SCAPER: variants seen among roughly 807,000 people sequenced by gnomAD.
The protein encoded by SCAPER is S-phase cyclin A associated protein in the ER, also known as S phase cyclin A-associated protein in the endoplasmic reticulum.
SCAPER carries 98 observed loss-of-function variants against 182.2 expected under a neutral mutation model. The observed-to-expected ratio is 0.54, with a 90% CI of 0.46 to 0.64. The LOEUF (loss-of-function observed/expected upper bound fraction) is 0.64, where lower values mean the gene tolerates loss of function less well. Among genes scored for constraint, SCAPER ranks in the 30% least tolerant of loss-of-function variants. The pLI is 0.00. For synonymous variants in SCAPER, 605 were observed against 564.6 expected (o/e 1.07, Z -1.01); for missense variants, 1,432 against 1,690.0 (o/e 0.85, Z 2.68).
chr15:76,456,511 A>C (rs943398019), intron 25 of SCAPER, among the ~76,000 whole-genome samples: 2 of 152,206 alleles, frequency 1.3e-5, no homozygotes, highest in Non-Finnish European at 2.9e-5. Context: ...ATGGTCCAGC[A>C]TATAGTGTAT....
intron 17 of SCAPER, among the ~76,000 whole-genome samples, chr15:76,706,733 A>C (rs1227728168): frequency 6.6e-6 from 1 of 152,130 alleles, no homozygotes; most frequent in African/African-American, 2.4e-5. Context: ...GACAAGTAGC[A>C]TCTTTCTACT....
At chr15:76,459,859 A>T (rs913620077) in intron 25 of SCAPER, among the ~76,000 whole-genome samples, 2 of 151,976 alleles carry the variant, frequency 1.3e-5, no homozygotes, top group Admixed American at 1.3e-4. Flanking sequence ...ATGGTGAGAG[A>T]TAGGGGTCTA....
chr15:76,537,002 A>C (rs2044226131), intron 23 of SCAPER, among the ~76,000 whole-genome samples: 1 of 152,142 alleles, frequency 6.6e-6, no homozygotes, highest in Non-Finnish European at 1.5e-5. Flanking sequence ...TAGGAATCCA[A>C]CTTACAAGGG....
chr15:76,479,698 T>C (rs943704374), intron 24 of SCAPER, among the ~76,000 whole-genome samples: 1 of 152,142 alleles, frequency 6.6e-6, no homozygotes, highest in African/African-American at 2.4e-5. Context: ...GTGGTTGCCA[T>C]GTGGGAAGGT....
chr15:76,397,443 C>T (rs113912063), intron 27 of SCAPER, among the ~76,000 whole-genome samples: 1,913 of 149,084 alleles, frequency 0.013, 10 homozygotes, highest in South Asian at 0.028. Context: ...CAGTGAAGCC[C>T]TCTGGTCCTG....
chr15:76,396,753 T>C (rs1379716782), intron 27 of SCAPER, among the ~76,000 whole-genome samples: 1 of 152,206 alleles, frequency 6.6e-6, no homozygotes, highest in African/African-American at 2.4e-5. Flanking sequence ...GATCATATCA[T>C]CTGTAAAAAA....
chr15:76,565,953 T>C (rs569340525), intron 23 of SCAPER, among the ~76,000 whole-genome samples: 41 of 152,190 alleles, frequency 2.7e-4, no homozygotes, highest in Non-Finnish European at 5.3e-4. Flanking sequence ...GCTGAGAACA[T>C]AGTGAAGGGA....
rs531201146 is a variant in SCAPER, at chr15:76,603,025, T to C, written c.2711+18739A>G. 2.8e-4 allele frequency among the ~76,000 whole-genome samples: 33 copies of C among 116,436 alleles called. 4 individuals are homozygous for C. In the South Asian group the frequency reaches 6.9e-3, roughly 25 times the overall value. 76.4% of individuals were successfully genotyped at this position (116,436 alleles called of 152,430 possible). On this transcript the variant is annotated intron_variant, in intron 22 of 31. Coordinates refer to ENST00000563290, the MANE Select transcript of SCAPER (RefSeq NM_020843.4). ...TCCTCAATAGTTTTTATTTTATTTA[T>C]TTATTTACTTAATTTTATTATTATT...
In SCAPER at chr15:76,548,328, C is replaced by G. The variant is rs141766339; in HGVS notation, c.2838+25830G>C. Among the ~76,000 whole-genome samples the G allele has an allele frequency of 2.2e-3, 331 of 152,232 alleles. 5 individuals are homozygous for G. Among genetic ancestry groups the G allele is most frequent in the Non-Finnish European group, 3.9e-3 (262 of 68,012 alleles). ...CTTCATCAAATGAATCTTGGGCCAA[C>G]AACTGTTCAAGAATGATGTTACCAT... On this transcript the variant is annotated intron_variant, in intron 23 of 31. Coordinates refer to ENST00000563290, the MANE Select transcript of SCAPER (RefSeq NM_020843.4).
intron 22 of SCAPER, among the ~76,000 whole-genome samples, chr15:76,596,504 A>G (rs2049509654): frequency 8.3e-6 from 1 of 120,952 alleles, no homozygotes. Flanking sequence ...CAGCAGAGAC[A>G]CAACAAAAAA....
intron 23 of SCAPER, among the ~76,000 whole-genome samples, chr15:76,559,584 C>T (rs1210049316): frequency 6.6e-6 from 1 of 152,088 alleles, no homozygotes; most frequent in African/African-American, 2.4e-5. Flanking sequence ...AATACAATGT[C>T]CTTTACAGGA....
intron 21 of SCAPER, among the ~76,000 whole-genome samples, chr15:76,652,690 G>A (rs1008041788): frequency 3.3e-5 from 5 of 150,310 alleles, no homozygotes; most frequent in African/African-American, 4.9e-5. Flanking sequence ...CAGCCTGGGC[G>A]ACAGAGGGAG....
At chr15:76,541,082 T>C (rs879871216) in intron 23 of SCAPER, among the ~76,000 whole-genome samples, 2 of 151,708 alleles carry the variant, frequency 1.3e-5, no homozygotes, top group Non-Finnish European at 2.9e-5. Flanking sequence ...ATCATGCCAC[T>C]GCATTCCAGC....
intron 5 of SCAPER, among the ~76,000 whole-genome samples, chr15:76,808,242 C>T (rs182329438): frequency 1.0e-3 from 156 of 152,334 alleles, no homozygotes; most frequent in Non-Finnish European, 1.7e-3. Flanking sequence ...AGCCTGCATC[C>T]GGAAGCCAGT....
chr15:76,876,315 G>A (rs970300920), intron 2 of SCAPER, among the ~76,000 whole-genome samples: 2 of 152,130 alleles, frequency 1.3e-5, no homozygotes, highest in African/African-American at 2.4e-5. Context: ...TGGACGTCGA[G>A]GCCGAGGAGG....
At chr15:76,551,781 T>C (rs2045792148) in intron 23 of SCAPER, among the ~76,000 whole-genome samples, 2 of 152,276 alleles carry the variant, frequency 1.3e-5, no homozygotes, top group African/African-American at 4.8e-5. Flanking sequence ...ACAATATATA[T>C]ACATGTATTA....
chr15:76,671,605 T>A (rs947081123), intron 20 of SCAPER, among the ~76,000 whole-genome samples: 3 of 151,748 alleles, frequency 2.0e-5, no homozygotes, highest in Non-Finnish European at 4.4e-5. Flanking sequence ...CCGTCTCTAC[T>A]AAAAATACAA....
At chr15:76,526,123 C>A (rs1372195086) in intron 23 of SCAPER, among the ~76,000 whole-genome samples, 1 of 151,272 alleles carries the variant, frequency 6.6e-6, no homozygotes, top group African/African-American at 2.4e-5. Flanking sequence ...ATATCCTATT[C>A]CTTCCCTCTG....
chr15:76,456,088 G>C (rs765475384), intron 25 of SCAPER, among the ~76,000 whole-genome samples: 6 of 152,118 alleles, frequency 3.9e-5, no homozygotes, highest in Non-Finnish European at 8.8e-5. Flanking sequence ...ATTTGGGTTG[G>C]TTCCAAGTCT....
Sources: gnomAD v4.1 joint callset for allele counts (sites outside exome capture counted in the v4.1 genomes callset) on GRCh38, gnomAD v4.1.1 for gene constraint, MANE v1.5 for transcripts, NCBI Gene and HGNC (gene_info 2026-07-23, HGNC 2026-07-21) for gene names.